The following ZNF420 variants were observed in gnomAD, a reference collection of about 807,000 sequenced individuals.
ZNF420 encodes the protein zinc finger protein 420.
In ZNF420, 31 loss-of-function variants were observed where a neutral mutation model predicts 44.7. The ratio of observed to expected loss-of-function variants is 0.69; its 90% CI spans 0.52 to 0.94. ZNF420 has a LOEUF of 0.94. Ranked by LOEUF, ZNF420 falls within the 40% of genes least tolerant of loss-of-function variation. ZNF420 has a pLI of 0.00. For missense variants in ZNF420, 681 were observed against 827.9 expected, an observed-to-expected ratio of 0.82 and a Z score of 2.18; for synonymous variants, 245 against 267.4, an observed-to-expected ratio of 0.92 and a Z score of 0.82.
intron 1 of ZNF420, among the ~76,000 whole-genome samples, chr19:37,015,185 C>T (rs569608264): frequency 2.0e-5 from 3 of 152,276 alleles, no homozygotes; most frequent in African/African-American, 4.8e-5. Flanking sequence ...AAATGTGACT[C>T]GTGCGCTGGA....
At chr19:37,121,496 A>C (rs1427550510) in intron 4 of ZNF420, among the ~76,000 whole-genome samples, 1 of 151,684 alleles carries the variant, frequency 6.6e-6, no homozygotes, top group Non-Finnish European at 1.5e-5. Context: ...AAAGACTTAA[A>C]CGTTAGACCT....
intron 3 of ZNF420, 54 bp from the exon 4 acceptor site, chr19:37,090,937 GAAAA>G: frequency 6.7e-7 from 1 of 1,498,234 alleles, no homozygotes; most frequent in African/African-American, 1.4e-5. Flanking sequence ...AAAAAAGAAA[GAAAA>G]AAAGAAAAGC....
At chr19:37,019,225 C>G in intron 1 of ZNF420, among the ~76,000 whole-genome samples, 1 of 152,214 alleles carries the variant, frequency 6.6e-6, no homozygotes, top group South Asian at 2.1e-4. Context: ...ACTAAAAATA[C>G]AAAAATTATT....
chr19:37,105,823 T>C (rs1970046867), intron 4 of ZNF420, among the ~76,000 whole-genome samples: 1 of 151,798 alleles, frequency 6.6e-6, no homozygotes, highest in Admixed American at 6.6e-5. Context: ...CACTCATGAT[T>C]TGGCTGTTTG....
At chr19:37,037,378 G>A (rs1967375042) in intron 1 of ZNF420, among the ~76,000 whole-genome samples, 3 of 152,190 alleles carry the variant, frequency 2.0e-5, no homozygotes, top group Admixed American at 6.5e-5. Context: ...TGGCGCCTGC[G>A]TCATGTCTTC....
intron 4 of ZNF420, among the ~76,000 whole-genome samples, chr19:37,101,753 G>T (rs1969790795): frequency 6.6e-6 from 1 of 152,234 alleles, no homozygotes; most frequent in Non-Finnish European, 1.5e-5. Flanking sequence ...GTGCTGTATG[G>T]GAGTCCAGAC....
intron 4 of ZNF420, among the ~76,000 whole-genome samples, chr19:37,104,520 C>A (rs1969966808): frequency 6.6e-6 from 1 of 152,134 alleles, no homozygotes; most frequent in African/African-American, 2.4e-5. Flanking sequence ...ATAGCTGGGT[C>A]AAATGGTATT....
chr19:37,027,737 T>A (rs1442830366), intron 1 of ZNF420, among the ~76,000 whole-genome samples: 1 of 152,258 alleles, frequency 6.6e-6, no homozygotes, highest in Non-Finnish European at 1.5e-5. Flanking sequence ...GATTCCTCCA[T>A]GTCTTTCCAT....
chr19:37,013,791 T>G (rs2074589747), intron 1 of ZNF420, among the ~76,000 whole-genome samples: 1 of 152,176 alleles, frequency 6.6e-6, no homozygotes. Flanking sequence ...GTTTCCAAAA[T>G]CCAGGGACTC....
At chr19:37,077,385 C>T (rs1968184682), upstream of ZNF420, among the ~76,000 whole-genome samples, 1 of 151,978 alleles carries the variant, frequency 6.6e-6, no homozygotes, top group Admixed American at 6.5e-5. Flanking sequence ...GAAACTTTAC[C>T]CTCTAATTAG....
At chr19:37,087,325 A>T (rs1968873587) in intron 2 of ZNF420, among the ~76,000 whole-genome samples, 1 of 149,380 alleles carries the variant, frequency 6.7e-6, no homozygotes, top group Non-Finnish European at 1.5e-5. Context: ...AAATAAATAA[A>T]TAAATAAATA....
chr19:37,048,946 T>C (rs1041114331), intron 1 of ZNF420, among the ~76,000 whole-genome samples: 2 of 145,022 alleles, frequency 1.4e-5, no homozygotes, highest in East Asian at 4.4e-4. Flanking sequence ...AATTCCCACC[T>C]ATGAATGAGA....
chr19:37,063,596 C>G (rs1309691963), intron 1 of ZNF420, among the ~76,000 whole-genome samples: 1 of 136,168 alleles, frequency 7.3e-6, no homozygotes, highest in African/African-American at 2.7e-5. Flanking sequence ...GGTAATTTAA[C>G]TCTTTGTTCA....
intron 4 of ZNF420, among the ~76,000 whole-genome samples, chr19:37,125,847 G>A (rs1428747035): frequency 5.3e-5 from 8 of 152,206 alleles, no homozygotes; most frequent in African/African-American, 1.7e-4. Flanking sequence ...ACTCTGTCCA[G>A]ATTGGTCTAC....
intron 1 of ZNF420, among the ~76,000 whole-genome samples, chr19:37,060,703 A>G (rs1024146529): frequency 1.4e-5 from 2 of 147,844 alleles, no homozygotes; most frequent in Non-Finnish European, 2.9e-5. Flanking sequence ...GTTTCACCTC[A>G]TGTGTGGGGG....
rs1006252446 is a variant in ZNF420 at position 37,086,540 on chromosome 19, G to T, written c.-80-2499G>T. Among the ~76,000 whole-genome samples the T allele has an allele frequency of 2.0e-5, 3 of 152,046 alleles. No homozygotes were observed. In the South Asian group the frequency reaches 6.2e-4, roughly 32 times the overall value. On this transcript the variant is annotated intron_variant, in intron 2 of 4. Transcript: ENST00000337995. ...TATGTAAATCCTCTATATTGTTATCGATTTTATTGTCTACTTGTTCTGTCA... is the reference window on the plus strand; with the variant it reads ...TATGTAAATCCTCTATATTGTTATCTATTTTATTGTCTACTTGTTCTGTCA...
At chr19:37,083,360 A>G (rs943711123) in intron 2 of ZNF420, among the ~76,000 whole-genome samples, 6 of 152,278 alleles carry the variant, frequency 3.9e-5, no homozygotes, top group Non-Finnish European at 8.8e-5. Context: ...TAGCTGGACT[A>G]TATCTATAAA....
intron 1 of ZNF420, among the ~76,000 whole-genome samples, chr19:37,021,427 C>A (rs2074647706): frequency 1.3e-5 from 2 of 152,030 alleles, no homozygotes; most frequent in Admixed American, 1.3e-4. Flanking sequence ...GCCACCACAC[C>A]CAGCTAATTT....
intron 2 of ZNF420, among the ~76,000 whole-genome samples, chr19:37,083,073 A>C (rs981597406): frequency 3.3e-5 from 5 of 151,218 alleles, no homozygotes; most frequent in African/African-American, 1.2e-4. Context: ...GTTGGCCAGG[A>C]TGGTCTCGAT....
Sources: allele counts gnomAD v4.1 joint callset (sites outside exome capture counted in the v4.1 genomes callset), GRCh38; gene constraint gnomAD v4.1.1; transcripts MANE v1.5; gene names NCBI Gene and HGNC (gene_info 2026-07-23, HGNC 2026-07-21).